The following CCDC30 variants were observed in gnomAD, a reference collection of about 807,000 sequenced individuals.
CCDC30 encodes coiled-coil domain-containing protein 30.
In CCDC30, 70 loss-of-function variants were observed where a neutral mutation model predicts 100.2. That is an observed-to-expected ratio of 0.70 (90% CI 0.58 to 0.85). The LOEUF (loss-of-function observed/expected upper bound fraction) is 0.85, where lower values mean the gene tolerates loss of function less well. Ranked by LOEUF, CCDC30 falls within the 40% of genes least tolerant of loss-of-function variation. CCDC30 has a pLI of 0.00. For synonymous variants in CCDC30, 233 were observed against 269.5 expected (o/e 0.86, Z 1.33); for missense variants, 652 against 771.2 (o/e 0.85, Z 1.83).
intron 15 of CCDC30, among the ~76,000 whole-genome samples, chr1:42,647,704 A>G (rs576356985): frequency 6.6e-6 from 1 of 152,358 alleles, no homozygotes; most frequent in Admixed American, 6.5e-5. Flanking sequence ...AATTTGAAAA[A>G]CAGAAATTGT....
chr1:42,482,506 GACACACACACAT>G (rs1418752600), intron 2 of CCDC30, 145 bp from the exon 3 acceptor site: 10 of 408,312 alleles, frequency 2.4e-5, no homozygotes, highest in Non-Finnish European at 3.3e-5. Context: ...GAAATACACA[GACACACACACAT>G]ACACACACAC....
chr1:42,547,952 G>T (rs544848602), intron 6 of CCDC30, among the ~76,000 whole-genome samples: 2 of 152,326 alleles, frequency 1.3e-5, no homozygotes, highest in East Asian at 3.9e-4. Context: ...CTCTGGCCCA[G>T]GCTAATGAAT....
chr1:42,533,447 G>C (rs1644839981), intron 6 of CCDC30, among the ~76,000 whole-genome samples: 1 of 152,200 alleles, frequency 6.6e-6, no homozygotes, highest in African/African-American at 2.4e-5. Context: ...GTAAGCAGGA[G>C]TATTCCCATT....
At chr1:42,647,126 C>CA (rs988758261) in intron 15 of CCDC30, among the ~76,000 whole-genome samples, 1 of 151,640 alleles carries the variant, frequency 6.6e-6, no homozygotes, top group Non-Finnish European at 1.5e-5. Flanking sequence ...AAAATCAATG[C>CA]AAAAAAATAA....
intron 6 of CCDC30, among the ~76,000 whole-genome samples, chr1:42,565,306 C>A (rs559230716): frequency 6.6e-6 from 1 of 152,026 alleles, no homozygotes; most frequent in South Asian, 2.1e-4. Flanking sequence ...GGGGTTAATA[C>A]CCAAAATATA....
At chr1:42,521,522 G>A (rs1337473148) in intron 6 of CCDC30, among the ~76,000 whole-genome samples, 1 of 152,158 alleles carries the variant, frequency 6.6e-6, no homozygotes, top group Non-Finnish European at 1.5e-5. Context: ...AGAAGAATGT[G>A]TAAGCTATTG....
chr1:42,480,844 A>G (rs1046244960), intron 2 of CCDC30, among the ~76,000 whole-genome samples: 3 of 152,118 alleles, frequency 2.0e-5, no homozygotes, highest in Non-Finnish European at 2.9e-5. Context: ...TCATGGCCAG[A>G]TGTGGTGGCT....
chr1:42,637,270 C>A, exon 12 of CCDC30: 1 of 1,583,166 alleles, frequency 6.3e-7, no homozygotes, highest in South Asian at 1.2e-5. Context: ...AACAAAAAGT[C>A]AAGCTTCAAA....
chr1:42,589,562 T>TCAA, intron 10 of CCDC30, 79 bp downstream of exon 14: 1 of 1,269,898 alleles, frequency 7.9e-7, no homozygotes, highest in Non-Finnish European at 1.1e-6. Flanking sequence ...TGCCTAGCAC[T>TCAA]TTACTAAACC....
At chr1:42,604,710 C>CT (rs1386917190) in intron 10 of CCDC30, among the ~76,000 whole-genome samples, 1 of 152,150 alleles carries the variant, frequency 6.6e-6, no homozygotes, top group Non-Finnish European at 1.5e-5. Flanking sequence ...GCCCAGTCCC[C>CT]TTGATAAGAG....
chr1:42,475,420 A>T (rs113056052), intron 1 of CCDC30, among the ~76,000 whole-genome samples: 3 of 152,100 alleles, frequency 2.0e-5, no homozygotes, highest in Non-Finnish European at 4.4e-5. Flanking sequence ...GCATTTTTTC[A>T]TGGTTATGAT....
intron 6 of CCDC30, chr1:42,542,970 A>G (rs2148530244): frequency 6.5e-6 from 1 of 153,198 alleles, no homozygotes; most frequent in South Asian, 2.1e-4. Context: ...GACCACAAAG[A>G]TTAGTGATTA....
intron 15 of CCDC30, among the ~76,000 whole-genome samples, chr1:42,649,436 A>C (rs1030346704): frequency 6.6e-6 from 1 of 152,246 alleles, no homozygotes; most frequent in Non-Finnish European, 1.5e-5. Flanking sequence ...GATTAGGTTT[A>C]GGAGGAATGT....
intron 6 of CCDC30, among the ~76,000 whole-genome samples, chr1:42,562,293 A>G (rs1221586901): frequency 2.6e-5 from 4 of 152,198 alleles, no homozygotes; most frequent in Admixed American, 2.6e-4. Flanking sequence ...GACCTCAGAA[A>G]TAACACCACA....
chr1:42,516,477 G>A (rs1271260832), intron 6 of CCDC30, among the ~76,000 whole-genome samples: 1 of 147,278 alleles, frequency 6.8e-6, no homozygotes, highest in African/African-American at 2.5e-5. Flanking sequence ...TGAGGCAAGA[G>A]AATCACTTGA....
intron 7 of CCDC30, among the ~76,000 whole-genome samples, chr1:42,575,687 C>T (rs1350384680): frequency 7.6e-6 from 1 of 131,010 alleles, no homozygotes; most frequent in Non-Finnish European, 1.7e-5. Context: ...AACATAGTCT[C>T]TGCTTTCTTG....
intron 6 of CCDC30, among the ~76,000 whole-genome samples, chr1:42,519,258 C>G (rs2148500840): frequency 6.6e-6 from 1 of 152,244 alleles, no homozygotes; most frequent in East Asian, 1.9e-4. Flanking sequence ...CCTGTGGTAT[C>G]TTTATCTGGC....
chr1:42,504,422 A>G (rs1160468), intron 6 of CCDC30, among the ~76,000 whole-genome samples: 58,570 of 151,958 alleles, frequency 0.39, 11,744 homozygotes, highest in East Asian at 0.59. Flanking sequence ...TACTTTCTGC[A>G]GAAAAGGGGT....
chr1:42,465,636 A>C (rs978034401), intron 1 of CCDC30, among the ~76,000 whole-genome samples: 2 of 152,134 alleles, frequency 1.3e-5, no homozygotes, highest in Admixed American at 6.5e-5. Context: ...AAGTGCTGGG[A>C]TTACAAGTGT....
Sources: gnomAD v4.1 joint callset for allele counts (sites outside exome capture counted in the v4.1 genomes callset) on GRCh38, gnomAD v4.1.1 for gene constraint, MANE v1.5 for transcripts, NCBI Gene and HGNC (gene_info 2026-07-23, HGNC 2026-07-21) for gene names.